Variants in NSMAF observed in about 807,000 individuals in gnomAD.
NSMAF encodes neutral sphingomyelinase activation associated factor, also known as protein FAN.
A neutral mutation model predicts 134.9 loss-of-function variants in NSMAF; 90 were observed. That is an observed-to-expected ratio of 0.67 (90% CI 0.56 to 0.79). The LOEUF (loss-of-function observed/expected upper bound fraction) is 0.79, where lower values mean the gene tolerates loss of function less well. Among genes scored for constraint, NSMAF ranks in the 30% least tolerant of loss-of-function variants. The pLI, the probability that NSMAF is intolerant of heterozygous loss-of-function variation, is 0.00. For missense variants in NSMAF, 1,010 were observed against 1,119.0 expected, an observed-to-expected ratio of 0.90 and a Z score of 1.39; for synonymous variants, 358 against 389.6, an observed-to-expected ratio of 0.92 and a Z score of 0.96.
intron 2 of NSMAF, among the ~76,000 whole-genome samples, chr8:58,642,651 C>T (rs926302795): frequency 3.9e-5 from 6 of 152,120 alleles, no homozygotes; most frequent in Non-Finnish European, 7.4e-5. Flanking sequence ...CTTAAGATAT[C>T]TACAACCCCA....
At chr8:58,656,555 G>C (rs943821338) in intron 1 of NSMAF, among the ~76,000 whole-genome samples, 1 of 152,060 alleles carries the variant, frequency 6.6e-6, no homozygotes, top group African/African-American at 2.4e-5. Context: ...GGCCGGGCAC[G>C]GTGGCTCACG....
At chr8:58,658,988 C>T (rs115574277) in intron 1 of NSMAF, among the ~76,000 whole-genome samples, 2,461 of 152,280 alleles carry the variant, frequency 0.016, 63 homozygotes, top group African/African-American at 0.055. Context: ...CAGGCCTTTC[C>T]GGCGGCCCCC....
chr8:58,630,088 A>G (rs141793921), intron 6 of NSMAF, among the ~76,000 whole-genome samples: 2 of 152,278 alleles, frequency 1.3e-5, no homozygotes, highest in East Asian at 3.9e-4. Flanking sequence ...CTTCCCAATC[A>G]TGTGGTGCTG....
intron 12 of NSMAF, among the ~76,000 whole-genome samples, chr8:58,604,996 C>T (rs187980289): frequency 5.9e-5 from 9 of 152,288 alleles, no homozygotes; most frequent in Admixed American, 2.6e-4. Flanking sequence ...TCTCCCTCCT[C>T]GGCCTCCGAA....
chr8:58,606,124 G>T (rs1806406243), intron 11 of NSMAF, 89 bp from the exon 12 acceptor site: 1 of 1,121,684 alleles, frequency 8.9e-7, no homozygotes, highest in Non-Finnish European at 1.2e-6. Flanking sequence ...AAAACATTCA[G>T]TTAAACATTT....
intron 2 of NSMAF, among the ~76,000 whole-genome samples, chr8:58,637,861 A>C (rs1807238227): frequency 6.6e-6 from 1 of 152,210 alleles, no homozygotes; most frequent in Non-Finnish European, 1.5e-5. Flanking sequence ...AGACACAAAT[A>C]AATAGAAAGA....
intron 26 of NSMAF, 135 bp downstream of exon 26, chr8:58,589,317 G>A: frequency 2.0e-6 from 1 of 500,794 alleles, no homozygotes; most frequent in Non-Finnish European, 3.1e-6. Flanking sequence ...TTGTGAAAAA[G>A]AGTGGAGTGA....
rs1806332862 is a variant in NSMAF, at chr8:58,603,403, C to T, written c.869-17G>A. 6.2e-7 allele frequency: 1 copy of T among 1,611,490 alleles called. No individual in the cohort carries two copies. The highest frequency in any genetic ancestry group is 1.3e-5 in the African/African-American group (1 of 74,870). On this transcript the variant is annotated splice_polypyrimidine_tract_variant and intron_variant, in intron 12 of 30. Transcript: ENST00000038176. ...CATGGTGCTCTGGGGGAAGAGGACC[C>T]ACGAGGTCTGCCACTTAACTTCGCA...
Position 58,600,313 on chromosome 8 carries a change from G to T in NSMAF, c.1281-292C>A, listed in dbSNP as rs1215974264. On this transcript the variant is annotated intron_variant, in intron 16 of 30. Coordinates refer to ENST00000038176, the MANE Select transcript of NSMAF (RefSeq NM_003580.4). Reference sequence around the variant, plus strand: ...TCATCCAAGGGCCAAATGGAGCAGGGTGCCTCCACACTGAAAGATTAGCAC... The same window carrying T: ...TCATCCAAGGGCCAAATGGAGCAGGTTGCCTCCACACTGAAAGATTAGCAC... 14 of 349,076 alleles carry T rather than the reference G, an allele frequency of 4.0e-5. No homozygotes were observed. The Admixed American group carries it at 6.4e-4, about 16-fold the overall frequency. 21.6% of individuals were successfully genotyped at this position (349,076 alleles called of 1,614,324 possible).
At chr8:58,585,045 TAGA>T (rs1272704746) in intron 30 of NSMAF, among the ~76,000 whole-genome samples, 5 of 152,182 alleles carry the variant, frequency 3.3e-5, no homozygotes, top group African/African-American at 4.8e-5. Flanking sequence ...CAAGAGACAC[TAGA>T]AGAATTAAAA....
intron 9 of NSMAF, among the ~76,000 whole-genome samples, chr8:58,610,317 C>T (rs1381306303): frequency 6.6e-6 from 1 of 152,162 alleles, no homozygotes; most frequent in Non-Finnish European, 1.5e-5. Context: ...TCTCATTCTG[C>T]TTTAACTGAT....
Position 58,634,044 on chromosome 8 carries a change from T to C in NSMAF, c.333+1145A>G, listed in dbSNP as rs1426120132. On this transcript the variant is annotated intron_variant, in intron 5 of 30. Coordinates refer to ENST00000038176, the MANE Select transcript of NSMAF (RefSeq NM_003580.4). ...AAAAGTACCTCTTCCTTTCAAGATATGGGCTTTGTGGAACCAGGTCATGAA... is the reference window on the plus strand; with the variant it reads ...AAAAGTACCTCTTCCTTTCAAGATACGGGCTTTGTGGAACCAGGTCATGAA... 2.6e-5 allele frequency among the ~76,000 whole-genome samples: 4 copies of C among 152,196 alleles called. No homozygotes were observed. The East Asian group carries it at 5.8e-4, about 22-fold the overall frequency.
In NSMAF at chr8:58,623,744, C is replaced by T. The variant is rs201097987; in HGVS notation, c.421G>A (p.Gly141Arg). ...GTCTCCACAACATCTTCCACTTTCC[C>T]GGGAACATCCAATTCAAAAACATAT... The part of the protein sequence containing the change: ...MEYVFELDVP[G>R]KVEDVVETLL... Residue 141 changes from glycine to arginine, a missense_variant, in exon 7 of 31, where the codon GGG becomes AGG. Transcript: ENST00000038176. The T allele has an allele frequency of 1.1e-5, 18 of 1,614,086 alleles. No homozygotes were observed. The East Asian group carries it at 2.9e-4, about 26-fold the overall frequency.
chr8:58,648,875 G>A (rs532331172), intron 1 of NSMAF, among the ~76,000 whole-genome samples: 4 of 152,246 alleles, frequency 2.6e-5, no homozygotes, highest in Non-Finnish European at 2.9e-5. Context: ...CTACAAGGAT[G>A]GGGCCCATAC....
intron 1 of NSMAF, among the ~76,000 whole-genome samples, chr8:58,649,173 A>G (rs1276327663): frequency 6.6e-6 from 1 of 152,206 alleles, no homozygotes; most frequent in African/African-American, 2.4e-5. Context: ...ACAAGGAGTC[A>G]TAGGAGATTA....
At chr8:58,634,795 C>T (rs1378279035) in intron 5 of NSMAF, among the ~76,000 whole-genome samples, 2 of 152,144 alleles carry the variant, frequency 1.3e-5, no homozygotes, top group African/African-American at 4.8e-5. Flanking sequence ...CCACAAGGGT[C>T]ATAATGATAC....
intron 2 of NSMAF, among the ~76,000 whole-genome samples, chr8:58,636,470 C>T (rs1350586964): frequency 6.6e-6 from 1 of 152,114 alleles, no homozygotes; most frequent in East Asian, 1.9e-4. Flanking sequence ...CCAGAGGCAC[C>T]CAGAGGATCA....
chr8:58,601,867 T>C (rs1253373037), intron 14 of NSMAF, among the ~76,000 whole-genome samples, 191 bp downstream of exon 14: 2 of 152,142 alleles, frequency 1.3e-5, no homozygotes, highest in African/African-American at 2.4e-5. Flanking sequence ...CCCTCCTCCT[T>C]CCTAAACTGC....
intron 2 of NSMAF, among the ~76,000 whole-genome samples, chr8:58,636,247 C>A (rs1004854247): frequency 6.6e-6 from 1 of 152,140 alleles, no homozygotes; most frequent in Non-Finnish European, 1.5e-5. Flanking sequence ...TGTGTATAAC[C>A]CCCTGGGACC....
Sources: gnomAD v4.1 joint callset for allele counts (sites outside exome capture counted in the v4.1 genomes callset) on GRCh38, gnomAD v4.1.1 for gene constraint, MANE v1.5 for transcripts, NCBI Gene and HGNC (gene_info 2026-07-23, HGNC 2026-07-21) for gene names.